SMAD3: variants seen among roughly 807,000 people sequenced by gnomAD.
SMAD3 encodes MAD homolog 3.
Under a neutral mutation model 51.8 loss-of-function variants are expected in SMAD3, and 12 were observed. The observed-to-expected ratio is 0.23, with a 90% CI of 0.15 to 0.38. The LOEUF (loss-of-function observed/expected upper bound fraction) is 0.38, where lower values mean the gene tolerates loss of function less well. SMAD3 is among the 10% of genes least tolerant of loss of function. SMAD3 has a pLI of 1.00. For synonymous variants in SMAD3, 238 were observed against 227.7 expected (o/e 1.05, Z -0.41); for missense variants, 294 against 565.6 (o/e 0.52, Z 4.87).
At chr15:67,158,486 A>G (rs766915752) in intron 1 of SMAD3, among the ~76,000 whole-genome samples, 11 of 152,260 alleles carry the variant, frequency 7.2e-5, no homozygotes, top group Non-Finnish European at 1.5e-4. Context: ...CTTTTAGAAA[A>G]TACTGCCAAG....
intron 1 of SMAD3, among the ~76,000 whole-genome samples, chr15:67,105,965 T>C (rs533322865): frequency 1.3e-5 from 2 of 152,270 alleles, no homozygotes; most frequent in East Asian, 3.9e-4. Context: ...AGCACCACCA[T>C]CCAGACCTCA....
chr15:67,186,652 T>G (rs1963229997), intron 7 of SMAD3: 1 of 157,796 alleles, frequency 6.3e-6, no homozygotes, highest in Non-Finnish European at 1.4e-5. Flanking sequence ...TTTTAAACTT[T>G]ATTTGTGACT....
chr15:67,156,124 G>A (rs913329542), intron 1 of SMAD3, among the ~76,000 whole-genome samples: 1 of 152,192 alleles, frequency 6.6e-6, no homozygotes, highest in Non-Finnish European at 1.5e-5. Flanking sequence ...CAGCATGTAT[G>A]TTCTGGGAAC....
intron 1 of SMAD3, among the ~76,000 whole-genome samples, chr15:67,092,646 G>T (rs1960531390): frequency 6.6e-6 from 1 of 152,208 alleles, no homozygotes; most frequent in African/African-American, 2.4e-5. Context: ...ACTGAGGAGG[G>T]TGCTGGGGGT....
intron 5 of SMAD3, among the ~76,000 whole-genome samples, chr15:67,175,899 T>C (rs1028005882): frequency 6.6e-6 from 1 of 152,028 alleles, no homozygotes. Context: ...TTCCCCACAC[T>C]TGTGAAATCA....
At chr15:67,109,437 A>G (rs1960952304) in intron 1 of SMAD3, among the ~76,000 whole-genome samples, 3 of 152,098 alleles carry the variant, frequency 2.0e-5, no homozygotes, top group Admixed American at 1.3e-4. Context: ...CTAGTACCCC[A>G]TGCTGCATGT....
chr15:67,176,693 G>A (rs1962905364), intron 5 of SMAD3, among the ~76,000 whole-genome samples: 1 of 152,216 alleles, frequency 6.6e-6, no homozygotes, highest in African/African-American at 2.4e-5. Flanking sequence ...GAAAACTGAG[G>A]CCAGCCAATG....
At chr15:67,138,380 G>T (rs935691586) in intron 1 of SMAD3, 1 of 439,626 alleles carries the variant, frequency 2.3e-6, no homozygotes, top group Admixed American at 3.5e-5. Context: ...GAGCTTGCTT[G>T]CCATCGCAGT....
At chr15:67,105,848 A>T (rs1278601338) in intron 1 of SMAD3, among the ~76,000 whole-genome samples, 1 of 152,102 alleles carries the variant, frequency 6.6e-6, no homozygotes, top group Non-Finnish European at 1.5e-5. Flanking sequence ...GCTGCCTCTG[A>T]AGGTCTTGCT....
intron 5 of SMAD3, among the ~76,000 whole-genome samples, chr15:67,176,511 A>G (rs1284638309): frequency 2.0e-5 from 3 of 152,248 alleles, no homozygotes; most frequent in Non-Finnish European, 4.4e-5. Flanking sequence ...TTCGATTTAT[A>G]GGAGAAAGTT....
intron 1 of SMAD3, among the ~76,000 whole-genome samples, chr15:67,151,531 C>T (rs138471255): frequency 5.3e-5 from 8 of 152,134 alleles, no homozygotes; most frequent in African/African-American, 1.9e-4. Context: ...CAGGGTTTCA[C>T]TATGTTGGCC....
At chr15:67,164,194 G>A (rs1202753758) in intron 1 of SMAD3, among the ~76,000 whole-genome samples, 1 of 148,528 alleles carries the variant, frequency 6.7e-6, no homozygotes, top group Non-Finnish European at 1.5e-5. Context: ...GGGTGCCTGT[G>A]GTCCCAGCTA....
At chr15:67,180,526 C>T (rs1963023439) in intron 5 of SMAD3, among the ~76,000 whole-genome samples, 1 of 148,418 alleles carries the variant, frequency 6.7e-6, no homozygotes, top group South Asian at 2.2e-4. Flanking sequence ...TGTGTCCGAG[C>T]CACCCCAACA....
intron 1 of SMAD3, among the ~76,000 whole-genome samples, chr15:67,097,709 A>T (rs1463873806): frequency 6.6e-6 from 1 of 152,170 alleles, no homozygotes. Flanking sequence ...TGTCTGGTCC[A>T]TGGGACTGAA....
intron 1 of SMAD3, among the ~76,000 whole-genome samples, chr15:67,131,223 C>G (rs377736340): frequency 1.8e-4 from 28 of 152,186 alleles, no homozygotes; most frequent in Non-Finnish European, 1.8e-4. Context: ...CCAGAGTACT[C>G]GGCAGATTCC....
intron 1 of SMAD3, among the ~76,000 whole-genome samples, chr15:67,154,516 A>G (rs767698458): frequency 6.6e-6 from 1 of 152,310 alleles, no homozygotes; most frequent in Non-Finnish European, 1.5e-5. Context: ...GTGAGACCTC[A>G]ATTATCTAGA....
chr15:67,179,794 T>G (rs1384125910), intron 5 of SMAD3, among the ~76,000 whole-genome samples: 2 of 151,962 alleles, frequency 1.3e-5, no homozygotes, highest in Non-Finnish European at 2.9e-5. Context: ...GTGAGCAGGG[T>G]TCTCAGGCCA....
chr15:67,161,918 C>T (rs1388410033), intron 1 of SMAD3, among the ~76,000 whole-genome samples: 1 of 152,150 alleles, frequency 6.6e-6, no homozygotes, highest in Admixed American at 6.5e-5. Flanking sequence ...GGCTCCACAT[C>T]CGCCAGTCCT....
intron 1 of SMAD3, among the ~76,000 whole-genome samples, chr15:67,103,530 C>T (rs760293437): frequency 2.3e-4 from 35 of 152,310 alleles, no homozygotes; most frequent in African/African-American, 2.4e-4. Flanking sequence ...CTGGGGTAGG[C>T]GCTGTGCTGG....
Sources: gnomAD v4.1 joint callset for allele counts (sites outside exome capture counted in the v4.1 genomes callset) on GRCh38, gnomAD v4.1.1 for gene constraint, MANE v1.5 for transcripts, NCBI Gene and HGNC (gene_info 2026-07-23, HGNC 2026-07-21) for gene names.